Variants in ARSG observed in about 807,000 individuals in gnomAD.
ARSG encodes the protein arylsulfatase G, also known as ASG.
Under a neutral mutation model 50.5 loss-of-function variants are expected in ARSG, and 37 were observed. The ratio of observed to expected loss-of-function variants is 0.73; its 90% confidence interval spans 0.56 to 0.96. The LOEUF is 0.96. Among genes scored for constraint, ARSG ranks in the 50% least tolerant of loss-of-function variants. The pLI is 0.00. For synonymous variants in ARSG, 225 were observed against 254.6 expected, an observed-to-expected ratio of 0.88 and a Z score of 1.11; for missense variants, 629 against 675.3, an observed-to-expected ratio of 0.93 and a Z score of 0.76.
intron 11 of ARSG, among the ~76,000 whole-genome samples, chr17:68,417,733 ATTTTTTTTTTTTTT>A (rs770292731): frequency 0.033 from 1,989 of 60,966 alleles, 89 homozygotes; most frequent in African/African-American, 0.11. Flanking sequence ...GAGTTGCTGA[ATTTTTTTTTTTTTT>A]TTTTTTTTTT....
At chr17:68,423,200 G>C (rs766551182), downstream of ARSG, among the ~76,000 whole-genome samples, 2 of 152,196 alleles carry the variant, frequency 1.3e-5, no homozygotes, top group Non-Finnish European at 2.9e-5. The surrounding 1 kb of genome is among the most constrained non-coding windows in gnomAD (Gnocchi z 4.4). Flanking sequence ...ATTCTGCACA[G>C]AGATTTGCAA....
chr17:68,410,567 T>C (rs1271456765), intron 11 of ARSG, among the ~76,000 whole-genome samples: 1 of 152,066 alleles, frequency 6.6e-6, no homozygotes, highest in Non-Finnish European at 1.5e-5. Context: ...TCATCAAGGA[T>C]ATTGGTCTAA....
At chr17:68,270,968 T>C in intron 1 of ARSG, 6 of 1,614,130 alleles carry the variant, frequency 3.7e-6, no homozygotes, top group Non-Finnish European at 5.1e-6. Flanking sequence ...CCTCCTATTG[T>C]TCCAACCATA....
intron 11 of ARSG, among the ~76,000 whole-genome samples, chr17:68,414,860 GT>G (rs968978917): frequency 6.6e-6 from 1 of 152,024 alleles, no homozygotes. Flanking sequence ...TTGTATTTTT[GT>G]GATGTCTGTT....
At chr17:68,314,349 A>G (rs781901379) in intron 2 of ARSG, among the ~76,000 whole-genome samples, 5 of 152,004 alleles carry the variant, frequency 3.3e-5, no homozygotes, top group East Asian at 1.9e-4. Context: ...CAACAAGAAG[A>G]AACCCCATCT....
intron 6 of ARSG, among the ~76,000 whole-genome samples, chr17:68,357,305 T>A (rs36074597): frequency 6.6e-6 from 1 of 152,148 alleles, no homozygotes; most frequent in Non-Finnish European, 1.5e-5. Context: ...AATCAAGGCA[T>A]CAGCAGGACT....
rs1482302361 is a variant in ARSG at position 68,368,626 on chromosome 17, A to G, written c.783A>G (p.Ala261=). ...HVPLPVTQLP[A]APRGRSLYGA... ...CCTTACCTGTGACTCAGCTACCAGC[A>G]GCGCCACGGGGCAGAAGCCTGTATG... Residue 261 remains alanine (A), a synonymous_variant, in exon 7 of 12, where the codon GCA becomes GCG. Transcript: ENST00000621439. 1 of 1,614,228 alleles carries G rather than the reference A, an allele frequency of 6.2e-7. No homozygotes were observed. The highest frequency in any genetic ancestry group is 8.5e-7 in the Non-Finnish European group (1 of 1,180,026).
At chr17:68,422,043 CTGTG>C (rs987547802), downstream of ARSG, 49 of 584,974 alleles carry the variant, frequency 8.4e-5, no homozygotes, top group African/African-American at 1.1e-4. Context: ...AAAAATGTCT[CTGTG>C]TGTGTGTGTA....
chr17:68,427,407 A>C (rs1265736148), downstream of ARSG: 3 of 553,760 alleles, frequency 5.4e-6, no homozygotes, highest in Non-Finnish European at 9.4e-6. Context: ...CCCAGGCTGG[A>C]GTGCAGTGGC....
At chr17:68,396,165 T>G (rs1478988690) in intron 10 of ARSG, among the ~76,000 whole-genome samples, 1 of 152,060 alleles carries the variant, frequency 6.6e-6, no homozygotes, top group African/African-American at 2.4e-5. Flanking sequence ...CCCGAGCCCA[T>G]GCCACCATGC....
chr17:68,273,772 T>G, intron 1 of ARSG: 1 of 850,284 alleles, frequency 1.2e-6, no homozygotes, highest in Non-Finnish European at 1.8e-6. Context: ...GAAGTCCATA[T>G]AGCTCAGTTC....
Position 68,271,229 on chromosome 17 carries a change from G to A in ARSG, c.-552+11803G>A. On this transcript the variant is annotated intron_variant, in intron 1 of 11. Coordinates refer to the ARSG transcript ENST00000448504. This position sits in a 1 kb window ranked among gnomAD's most constrained non-coding sequence, Gnocchi z 5.3. The stretch of plus-strand genomic sequence containing the variant: ...CCCAGAGGAATGATGTACAAGGAAG[G>A]TGCAAAGAATCCCAGTGTTGCAAAG... 1.2e-6 allele frequency: 2 copies of A among 1,614,100 alleles called. No homozygotes were observed. The highest frequency in any genetic ancestry group is 8.5e-7 in the Non-Finnish European group (1 of 1,180,036).
At chr17:68,446,769 C>T in the ARSG span, among the ~76,000 whole-genome samples, 2 of 152,224 alleles carry the variant, frequency 1.3e-5, no homozygotes, top group Non-Finnish European at 2.9e-5. Flanking sequence ...CTCCTAGAAA[C>T]AGCATCTACA....
intron 2 of ARSG, among the ~76,000 whole-genome samples, chr17:68,308,807 G>A (rs2076717548): frequency 6.6e-6 from 1 of 152,168 alleles, no homozygotes; most frequent in Non-Finnish European, 1.5e-5. Flanking sequence ...AGACATAAAG[G>A]TTCTCCAAGG....
intron 1 of ARSG, among the ~76,000 whole-genome samples, chr17:68,303,796 A>G (rs533644304): frequency 2.8e-4 from 42 of 152,284 alleles, no homozygotes; most frequent in African/African-American, 9.9e-4. Flanking sequence ...CTTAGATCTT[A>G]ATCAAAGTCT....
intron 1 of ARSG, among the ~76,000 whole-genome samples, chr17:68,264,666 A>G (rs1195945298): frequency 7.3e-5 from 11 of 151,676 alleles, no homozygotes; most frequent in African/African-American, 2.2e-4. Context: ...CGAACTCCCA[A>G]CCTCAGGTGA....
At chr17:68,377,209 A>G (rs934126425) in intron 8 of ARSG, among the ~76,000 whole-genome samples, 3 of 152,154 alleles carry the variant, frequency 2.0e-5, no homozygotes, top group Non-Finnish European at 4.4e-5. Context: ...AAATGAGGAA[A>G]CTGAGGCCAA....
rs573206392 is a variant in ARSG at position 68,378,904 on chromosome 17, C to T, written c.983-6160C>T. Among the ~76,000 whole-genome samples, 3 of 144,696 alleles carry T rather than the reference C, an allele frequency of 2.1e-5. No homozygotes were observed. The East Asian group carries it at 6.2e-4, about 30-fold the overall frequency. The allele number at this position is 144,696 out of a possible 152,430, so 94.9% of individuals were successfully genotyped here. On this transcript the variant is annotated intron_variant, in intron 8 of 11. Transcript: ENST00000621439. This position sits in a 1 kb window ranked among gnomAD's most constrained non-coding sequence, Gnocchi z 4.4. ...TCCCGCTGGGAAGCAGTCTCTGCAT[C>T]CTGGGCCTTCTGTCCAGTTTGGGGT...
At position 68,307,124 on chromosome 17, in the gene ARSG, A is replaced by G. The variant is rs763979033; in HGVS notation, c.-370A>G. 1.5e-4 allele frequency: 32 copies of G among 215,746 alleles called. No homozygotes were observed. The highest frequency in any genetic ancestry group is 2.6e-4 in the Non-Finnish European group (28 of 107,704). 13.4% of individuals were successfully genotyped at this position (215,746 alleles called of 1,614,324 possible). On this transcript the variant is annotated 5_prime_UTR_variant, in exon 2 of 12. Coordinates refer to ENST00000621439, the MANE Select transcript of ARSG (RefSeq NM_001267727.2). ...GCTGTGGCTCTGAGGCCCTGAATAC[A>G]GAAGGGTCACTTTCTTAGTGGCCAA...
Sources: allele counts gnomAD v4.1 joint callset (sites outside exome capture counted in the v4.1 genomes callset), GRCh38; gene constraint gnomAD v4.1.1; non-coding constraint Gnocchi (gnomAD v3.1); transcripts MANE v1.5; gene names NCBI Gene and HGNC (gene_info 2026-07-23, HGNC 2026-07-21).